Variants in ADCY10 observed in about 807,000 individuals in gnomAD.
ADCY10 encodes the protein adenylate cyclase 10, also known as adenylate cyclase type 10.
ADCY10 carries 156 observed loss-of-function variants against 183.3 expected under a neutral mutation model. The ratio of observed to expected loss-of-function variants is 0.85; its 90% CI spans 0.75 to 0.97. ADCY10 has a LOEUF of 0.97. Ranked by LOEUF, ADCY10 falls within the 50% of genes least tolerant of loss-of-function variation. The probability of loss-of-function intolerance (pLI) is 0.00; values close to 1 mark genes in which losing one functional copy is unlikely to be tolerated. For synonymous variants in ADCY10, 645 were observed against 670.0 expected (o/e 0.96, Z 0.58); for missense variants, 1,745 against 1,934.3 (o/e 0.90, Z 1.84).
At chr1:167,854,321 G>C in intron 18 of ADCY10, 32 bp downstream of exon 18, 1 of 1,613,978 alleles carries the variant, frequency 6.2e-7, no homozygotes, top group Non-Finnish European at 8.5e-7. Context: ...AGGCAGAACA[G>C]AGTAAGAAAG....
chr1:167,860,433 G>C (rs1288958710), intron 15 of ADCY10, among the ~76,000 whole-genome samples: 1 of 152,186 alleles, frequency 6.6e-6, no homozygotes, highest in Non-Finnish European at 1.5e-5. Flanking sequence ...TATAAATAGA[G>C]ATGAAGCTTC....
chr1:167,870,915 C>T (rs1163238813), intron 13 of ADCY10, among the ~76,000 whole-genome samples: 1 of 151,894 alleles, frequency 6.6e-6, no homozygotes, highest in African/African-American at 2.4e-5. Context: ...TTTTAGCTAA[C>T]CATGTGGTTT....
intron 16 of ADCY10, among the ~76,000 whole-genome samples, chr1:167,858,755 CTTA>C (rs1442044151): frequency 6.6e-6 from 1 of 152,108 alleles, no homozygotes; most frequent in Non-Finnish European, 1.5e-5. Context: ...TGGCTTTTAT[CTTA>C]TTACCACTGG....
intron 1 of ADCY10, among the ~76,000 whole-genome samples, chr1:167,911,580 G>A (rs1453708290): frequency 6.6e-6 from 1 of 152,192 alleles, no homozygotes; most frequent in Non-Finnish European, 1.5e-5. Context: ...AATACAGAAT[G>A]TGAGGTCCTG....
chr1:167,845,463 T>C (rs1289220167), intron 21 of ADCY10, 100 bp downstream of exon 21: 9 of 1,280,632 alleles, frequency 7.0e-6, no homozygotes, highest in Non-Finnish European at 1.0e-5. Context: ...AAGCCGCTTA[T>C]GAGACTTGAA....
At chr1:167,844,742 C>G (rs1207784482) in intron 21 of ADCY10, among the ~76,000 whole-genome samples, 6 of 152,188 alleles carry the variant, frequency 3.9e-5, no homozygotes, top group Non-Finnish European at 8.8e-5. Context: ...CTGCTATGTA[C>G]TAGGCAGTTT....
At position 167,836,518 on chromosome 1, in the gene ADCY10, T is replaced by C. The variant is rs756470099; in HGVS notation, c.3100A>G (p.Ile1034Val). Residue 1034 changes from isoleucine (I) to valine (V), a missense_variant, in exon 23 of 33, where the codon ATC becomes GTC. Transcript: ENST00000367851. The stretch of plus-strand genomic sequence containing the variant: ...AAAACGTGGTCAAAGAAATTCAAGA[T>C]CTTTTCTCTTATTTCTTCAGGACTG... ...NRSPEEIREK[I>V]LNFFDHVLTK... 1.2e-6 allele frequency: 2 copies of C among 1,610,638 alleles called. No individual in the cohort carries two copies. The highest frequency in any genetic ancestry group is 1.1e-5 in the South Asian group (1 of 91,012).
intron 31 of ADCY10, among the ~76,000 whole-genome samples, chr1:167,817,721 A>G (rs1427945181): frequency 1.3e-5 from 2 of 152,248 alleles, no homozygotes; most frequent in Non-Finnish European, 2.9e-5. Flanking sequence ...ACAATCATAT[A>G]TCTGTAAGAT....
rs1230542431 is a variant in ADCY10 at position 167,904,060 on chromosome 1, C to G, written c.149-69G>C. On this transcript the variant is annotated intron_variant, in intron 2 of 32. Transcript: ENST00000367851. ...TCAAACAGAGCCAGAAGAGGACTACCCTGGAAGGCAGCGGGCCTCAGCTTT... is the reference window on the plus strand; with the variant it reads ...TCAAACAGAGCCAGAAGAGGACTACGCTGGAAGGCAGCGGGCCTCAGCTTT... 3.0e-6 allele frequency: 3 copies of G among 1,003,842 alleles called. No homozygotes were observed. The African/African-American group carries it at 4.8e-5, about 16-fold the overall frequency. 62.2% of individuals were successfully genotyped at this position (1,003,842 alleles called of 1,614,324 possible). A position where few individuals can be genotyped will look rare whatever the true frequency, so the allele number is the denominator to read the frequency against.
rs1387785111 is a variant in ADCY10 at position 167,822,004 on chromosome 1, G to A, written c.4286+20C>T. On this transcript the variant is annotated intron_variant, in intron 30 of 32. Coordinates refer to ENST00000367851, the MANE Select transcript of ADCY10 (RefSeq NM_018417.6). ...AACATTTTCACTTTGGGAATTTAGTGATATGCCACACATTGTTACCAGATA... is the reference window on the plus strand; with the variant it reads ...AACATTTTCACTTTGGGAATTTAGTAATATGCCACACATTGTTACCAGATA... The A allele has an allele frequency of 6.9e-7, 1 of 1,446,528 alleles. No individual in the cohort carries two copies. Among genetic ancestry groups the A allele is most frequent in the East Asian group, 2.3e-5 (1 of 44,098 alleles). The allele number at this position is 1,446,528 out of a possible 1,614,324, so 89.6% of individuals were successfully genotyped here. A position where few individuals can be genotyped will look rare whatever the true frequency, so the allele number is the denominator to read the frequency against.
chr1:167,908,128 T>A (rs1669933345), intron 1 of ADCY10, among the ~76,000 whole-genome samples: 1 of 152,198 alleles, frequency 6.6e-6, no homozygotes, highest in Admixed American at 6.5e-5. Context: ...CTATTCACAA[T>A]AGCCAAGATA....
Position 167,883,627 on chromosome 1 carries a change from A to G in ADCY10, c.830T>C (p.Ile277Thr), listed in dbSNP as rs370700331. The change falls in exon 9 of 33, where the codon ATT (isoleucine) becomes ACT (threonine). Residue 277 changes from isoleucine to threonine, a missense_variant and splice_region_variant. Coordinates refer to ENST00000367851, the MANE Select transcript of ADCY10 (RefSeq NM_018417.6). Reference sequence around the variant, plus strand: ...ATAGCCCTGAAGCTGTTTGTTATCAATCTGCAAAGTAGAGAGCAGCTTTCT... The same window carrying G: ...ATAGCCCTGAAGCTGTTTGTTATCAGTCTGCAAAGTAGAGAGCAGCTTTCT... ...KYVMESILKQ[I>T]DNKQLQGYLS... is the part of the protein sequence containing the mutation. The G allele has an allele frequency of 1.2e-5, 20 of 1,614,162 alleles. No homozygotes were observed. In the South Asian group the frequency reaches 1.4e-4, roughly 12 times the overall value.
intron 26 of ADCY10, among the ~76,000 whole-genome samples, chr1:167,825,493 C>G (rs1663214953): frequency 6.6e-6 from 1 of 151,938 alleles, no homozygotes; most frequent in Non-Finnish European, 1.5e-5. Context: ...TCAACAACAA[C>G]AAAAACTAGC....
rs530060632 is a variant in ADCY10 at position 167,880,375 on chromosome 1, G to C, written c.1139+116C>G. Reference sequence around the variant, plus strand: ...ATGCGAAGGAGGAACAACAGTTTGAGACACAGGACTAAGTTCTTAATTAAT... The same window carrying C: ...ATGCGAAGGAGGAACAACAGTTTGACACACAGGACTAAGTTCTTAATTAAT... On this transcript the variant is annotated intron_variant, in intron 10 of 32. Transcript: ENST00000367851. 5.1e-6 allele frequency: 5 copies of C among 972,260 alleles called. No homozygotes were observed. In the East Asian group the frequency reaches 1.2e-4, roughly 23 times the overall value. 60.2% of individuals were successfully genotyped at this position (972,260 alleles called of 1,614,324 possible).
chr1:167,868,879 GT>G (rs1473785329), intron 14 of ADCY10, among the ~76,000 whole-genome samples: 1 of 152,204 alleles, frequency 6.6e-6, no homozygotes, highest in African/African-American at 2.4e-5. Context: ...GTTGCAAGCT[GT>G]TTTAGAAATC....
intron 1 of ADCY10, among the ~76,000 whole-genome samples, chr1:167,906,479 A>G (rs187764325): frequency 4.4e-4 from 67 of 152,226 alleles, no homozygotes; most frequent in African/African-American, 1.3e-3. Context: ...ATTTGGTGCT[A>G]TATGAACTTT....
At chr1:167,897,619 G>GAA (rs746518211) in intron 6 of ADCY10, among the ~76,000 whole-genome samples, 3,474 of 4,096 alleles carry the variant, frequency 0.85, 1,426 homozygotes, top group South Asian at 0.91. Flanking sequence ...GACAACATCG[G>GAA]CTGGCAACTC....
intron 13 of ADCY10, among the ~76,000 whole-genome samples, chr1:167,874,546 T>C (rs1037705726): frequency 7.9e-6 from 1 of 125,926 alleles, no homozygotes; most frequent in Non-Finnish European, 1.7e-5. Context: ...TATAAATAAA[T>C]ACAACCATTT....
Position 167,836,385 on chromosome 1 carries a change from A to G in ADCY10, c.3233T>C (p.Leu1078Ser), listed in dbSNP as rs1664195772. ...ILPLAHHFLA[L>S]GENDKALYYF... is the part of the protein sequence containing the mutation. The stretch of plus-strand genomic sequence containing the variant: ...ATATAAGGCTTTGTCATTTTCTCCC[A>G]AAGCCAGAAAATGGTGGGCCAGAGG... The change falls in exon 23 of 33, where the codon TTG (leucine) becomes TCG (serine). Residue 1078 changes from leucine to serine, a missense_variant. Coordinates refer to ENST00000367851, the MANE Select transcript of ADCY10 (RefSeq NM_018417.6). 6.2e-7 allele frequency: 1 copy of G among 1,614,200 alleles called. No individual in the cohort carries two copies.
Sources: gnomAD v4.1 joint callset for allele counts (sites outside exome capture counted in the v4.1 genomes callset) on GRCh38, gnomAD v4.1.1 for gene constraint, MANE v1.5 for transcripts, NCBI Gene and HGNC (gene_info 2026-07-23, HGNC 2026-07-21) for gene names.